MRTFB: variants seen among roughly 807,000 people sequenced by gnomAD.
MRTFB encodes myocardin-related transcription factor B.
A neutral mutation model predicts 104.2 loss-of-function variants in MRTFB; 29 were observed. The ratio of observed to expected loss-of-function variants is 0.28; its 90% confidence interval spans 0.21 to 0.38. The LOEUF (loss-of-function observed/expected upper bound fraction) is 0.38. Among genes scored for constraint, MRTFB ranks in the 10% least tolerant of loss-of-function variants. The pLI is 1.00. For missense variants in MRTFB, 1,270 were observed against 1,341.6 expected (o/e 0.95, Z 0.83); for synonymous variants, 535 against 519.5 (o/e 1.03, Z -0.41).
At chr16:14,227,569 T>C (rs1299364929) in intron 8 of MRTFB, among the ~76,000 whole-genome samples, 1 of 152,158 alleles carries the variant, frequency 6.6e-6, no homozygotes, top group Non-Finnish European at 1.5e-5. Context: ...TGGAGTGCAG[T>C]GGCACAATCA....
At chr16:14,120,990 A>G (rs527826118) in intron 2 of MRTFB, among the ~76,000 whole-genome samples, 2 of 152,354 alleles carry the variant, frequency 1.3e-5, no homozygotes, top group African/African-American at 2.4e-5. Flanking sequence ...TGCATTCCAC[A>G]TAAACTCATA....
At chr16:14,079,054 G>C (rs933609575) in intron 1 of MRTFB, among the ~76,000 whole-genome samples, 1 of 152,152 alleles carries the variant, frequency 6.6e-6, no homozygotes, top group African/African-American at 2.4e-5. Flanking sequence ...AGTTCTCCAG[G>C]CTTGTTTGTT....
intron 2 of MRTFB, among the ~76,000 whole-genome samples, chr16:14,100,569 C>G (rs2035643098): frequency 6.6e-6 from 1 of 152,078 alleles, no homozygotes; most frequent in African/African-American, 2.4e-5. Context: ...GTTTTGGTAT[C>G]AAGTTAATGC....
chr16:14,073,233 G>A (rs968359992), intron 1 of MRTFB, among the ~76,000 whole-genome samples: 2 of 152,068 alleles, frequency 1.3e-5, no homozygotes, highest in Non-Finnish European at 1.5e-5. Flanking sequence ...AAAGACTCTC[G>A]TACCAGGCGA....
the MRTFB span, among the ~76,000 whole-genome samples, chr16:14,041,027 G>T: frequency 6.6e-6 from 1 of 152,170 alleles, no homozygotes; most frequent in Non-Finnish European, 1.5e-5. Flanking sequence ...CAACTACTCA[G>T]GAGGTTGAGG....
chr16:14,163,050 A>G (rs750485758), intron 3 of MRTFB, among the ~76,000 whole-genome samples: 3 of 152,156 alleles, frequency 2.0e-5, no homozygotes, highest in Non-Finnish European at 4.4e-5. Flanking sequence ...GCTCAATTCT[A>G]TAGTATATAA....
chr16:14,225,677 C>CATTCATTT (rs1555454776), intron 8 of MRTFB, among the ~76,000 whole-genome samples: 21 of 152,142 alleles, frequency 1.4e-4, no homozygotes, highest in African/African-American at 5.1e-4. Flanking sequence ...TTCATTCATT[C>CATTCATTT]ATTCATTCAT....
intron 3 of MRTFB, among the ~76,000 whole-genome samples, chr16:14,191,608 A>G (rs2040187723): frequency 6.6e-6 from 1 of 152,180 alleles, no homozygotes. Context: ...TCATAGACAC[A>G]TTATTATTAT....
chr16:14,042,391 T>G, the MRTFB span, among the ~76,000 whole-genome samples: 1 of 152,222 alleles, frequency 6.6e-6, no homozygotes, highest in Admixed American at 6.5e-5. Context: ...CCTAAAGTGC[T>G]GGGACTACAG....
At chr16:14,092,513 A>G (rs2035140135) in intron 2 of MRTFB, among the ~76,000 whole-genome samples, 1 of 152,128 alleles carries the variant, frequency 6.6e-6, no homozygotes, top group Non-Finnish European at 1.5e-5. Flanking sequence ...AGGTAATGAA[A>G]TTGTGCCTTT....
chr16:14,193,870 C>G (rs1287600781), intron 3 of MRTFB: 2 of 152,170 alleles, frequency 1.3e-5, no homozygotes, highest in East Asian at 3.8e-4. Context: ...TCATATCAGT[C>G]TCACCTCATT....
chr16:14,175,858 C>T (rs779991833), intron 3 of MRTFB, among the ~76,000 whole-genome samples: 5 of 152,114 alleles, frequency 3.3e-5, no homozygotes, highest in Non-Finnish European at 5.9e-5. Flanking sequence ...AGAATTTAGA[C>T]TCAAAAGACC....
chr16:14,226,067 G>T (rs1331810062), intron 8 of MRTFB, among the ~76,000 whole-genome samples: 1 of 152,102 alleles, frequency 6.6e-6, no homozygotes, highest in Non-Finnish European at 1.5e-5. Flanking sequence ...GAGGAGAATG[G>T]AATCAAAACA....
At chr16:14,129,076 TTCACCTATCAG>T (rs2057204764) in intron 2 of MRTFB, among the ~76,000 whole-genome samples, 1 of 152,220 alleles carries the variant, frequency 6.6e-6, no homozygotes, top group South Asian at 2.1e-4. Context: ...GGCATGTTGT[TTCACCTATCAG>T]TAGTTCATTC....
chr16:14,121,193 G>T (rs1596946700), intron 2 of MRTFB, among the ~76,000 whole-genome samples: 1 of 139,624 alleles, frequency 7.2e-6, no homozygotes, highest in South Asian at 2.3e-4. Context: ...TTCTTTTTCA[G>T]TTAATATGGC....
intron 2 of MRTFB, among the ~76,000 whole-genome samples, chr16:14,081,291 C>CTTTT (rs995694902): frequency 1.6e-5 from 2 of 121,504 alleles, no homozygotes; most frequent in African/African-American, 6.4e-5. Context: ...CGTATGCTGC[C>CTTTT]TTTTTTTTTT....
At chr16:14,148,839 T>C (rs2038464024) in intron 3 of MRTFB, 1 of 152,590 alleles carries the variant, frequency 6.6e-6, no homozygotes, top group African/African-American at 2.4e-5. Flanking sequence ...TCATGTGTTC[T>C]TATATCTCAT....
chr16:14,094,305 C>T (rs1323171604), intron 2 of MRTFB, among the ~76,000 whole-genome samples: 1 of 152,036 alleles, frequency 6.6e-6, no homozygotes, highest in Non-Finnish European at 1.5e-5. Flanking sequence ...TAATCTCTAT[C>T]TAGATTTAGT....
chr16:14,071,554 C>T (rs1243902127), intron 1 of MRTFB, among the ~76,000 whole-genome samples, 189 bp downstream of exon 1: 2 of 148,404 alleles, frequency 1.3e-5, no homozygotes, highest in Non-Finnish European at 3.0e-5. Context: ...GCGGGGCGGC[C>T]GGGGCCGCGG....
Sources: allele counts gnomAD v4.1 joint callset (sites outside exome capture counted in the v4.1 genomes callset), GRCh38; gene constraint gnomAD v4.1.1; transcripts MANE v1.5; gene names NCBI Gene and HGNC (gene_info 2026-07-23, HGNC 2026-07-21).